Variants in DOCK3 observed in about 807,000 individuals in gnomAD.
DOCK3 encodes dedicator of cytokinesis protein 3.
A neutral mutation model predicts 265.6 loss-of-function variants in DOCK3; 60 were observed. That is an observed-to-expected ratio of 0.23 (90% CI 0.18 to 0.28). The LOEUF is 0.28. Among genes scored for constraint, DOCK3 ranks in the 10% least tolerant of loss-of-function variants. DOCK3 has a pLI of 1.00. For missense variants in DOCK3, 1,981 were observed against 2,594.3 expected (o/e 0.76, Z 5.14); for synonymous variants, 881 against 938.0 (o/e 0.94, Z 1.11).
intron 2 of DOCK3, among the ~76,000 whole-genome samples, chr3:50,783,615 C>T (rs564318227): frequency 1.3e-5 from 2 of 152,196 alleles, no homozygotes; most frequent in East Asian, 3.9e-4. Flanking sequence ...TCGTTAGATG[C>T]ATAGTTTGTG....
intron 27 of DOCK3, among the ~76,000 whole-genome samples, chr3:51,282,400 T>C (rs1245082285): frequency 6.6e-6 from 1 of 152,086 alleles, no homozygotes; most frequent in Non-Finnish European, 1.5e-5. Context: ...CCCAACACTT[T>C]GGGAGACCAA....
chr3:51,261,620 TG>T (rs1449708736), intron 23 of DOCK3, among the ~76,000 whole-genome samples: 2 of 152,152 alleles, frequency 1.3e-5, no homozygotes, highest in Admixed American at 1.3e-4. Flanking sequence ...TCTAGTTCAG[TG>T]AATCCCACCC....
At chr3:51,209,479 G>T (rs1171796075) in intron 13 of DOCK3, among the ~76,000 whole-genome samples, 2 of 152,032 alleles carry the variant, frequency 1.3e-5, no homozygotes, top group African/African-American at 4.8e-5. Flanking sequence ...GTTCATTAAT[G>T]CTTGATTAAA....
intron 51 of DOCK3, among the ~76,000 whole-genome samples, chr3:51,376,546 A>G (rs557391869): frequency 4.7e-4 from 72 of 152,284 alleles, no homozygotes; most frequent in African/African-American, 1.6e-3. Flanking sequence ...TTTAACAGAG[A>G]GTAATACTAA....
chr3:51,179,926 C>T (rs12492615), intron 12 of DOCK3, among the ~76,000 whole-genome samples: 10,793 of 151,246 alleles, frequency 0.071, 963 homozygotes, highest in East Asian at 0.32. Context: ...AAACAAGGGC[C>T]GGCGGACGCG....
intron 22 of DOCK3, among the ~76,000 whole-genome samples, chr3:51,250,917 C>G (rs953243298): frequency 6.6e-6 from 1 of 152,144 alleles, no homozygotes; most frequent in South Asian, 2.1e-4. Flanking sequence ...ATGTGCACAA[C>G]GTGCAGGTTT....
intron 3 of DOCK3, among the ~76,000 whole-genome samples, chr3:50,851,274 G>T (rs1016240763): frequency 6.6e-6 from 1 of 152,164 alleles, no homozygotes; most frequent in Non-Finnish European, 1.5e-5. Context: ...ATGCACAAGA[G>T]GGGTGGGGCA....
intron 19 of DOCK3, among the ~76,000 whole-genome samples, chr3:51,233,446 A>G (rs2078225029): frequency 6.6e-6 from 1 of 151,882 alleles, no homozygotes. Context: ...GCTCACTGCA[A>G]CCTCTGCCTC....
Position 51,246,626 on chromosome 3 carries a change from A to C in DOCK3, c.2103-100A>C, listed in dbSNP as rs2078854992. 5 of 1,075,184 alleles carry C rather than the reference A, an allele frequency of 4.7e-6. 1 individual carries two copies. The South Asian group carries it at 6.9e-5, about 15-fold the overall frequency. 66.6% of individuals were successfully genotyped at this position (1,075,184 alleles called of 1,614,324 possible). On this transcript the variant is annotated intron_variant, in intron 21 of 52. Coordinates refer to ENST00000266037, the MANE Select transcript of DOCK3 (RefSeq NM_004947.5). Reference sequence around the variant, plus strand: ...TATCACTCCTTTCTAGCTCATCAGCAGAATATTATTTCCTATTTGCCTAAT... The same window carrying C: ...TATCACTCCTTTCTAGCTCATCAGCCGAATATTATTTCCTATTTGCCTAAT...
At chr3:51,199,023 C>A (rs1481039398) in intron 12 of DOCK3, among the ~76,000 whole-genome samples, 3 of 152,010 alleles carry the variant, frequency 2.0e-5, no homozygotes, top group African/African-American at 7.3e-5. Context: ...GAGGGAGACT[C>A]CGACTCAATA....
At chr3:50,907,796 G>A (rs889388476) in intron 4 of DOCK3, among the ~76,000 whole-genome samples, 4 of 151,996 alleles carry the variant, frequency 2.6e-5, no homozygotes, top group African/African-American at 9.7e-5. Flanking sequence ...CTGTCATTAT[G>A]ATGTTAGCTG....
chr3:51,362,772 C>G, intron 49 of DOCK3, 98 bp downstream of exon 49: 1 of 1,476,450 alleles, frequency 6.8e-7, no homozygotes, highest in Admixed American at 2.1e-5. Flanking sequence ...TTGAGCAGCC[C>G]TGTGACTTAG....
chr3:50,907,272 C>G (rs1319622541), intron 4 of DOCK3, among the ~76,000 whole-genome samples: 1 of 152,078 alleles, frequency 6.6e-6, no homozygotes, highest in Non-Finnish European at 1.5e-5. Flanking sequence ...ATTAAGTCTG[C>G]TTGGTGCAGA....
intron 9 of DOCK3, among the ~76,000 whole-genome samples, chr3:51,143,138 C>T (rs1187497552): frequency 2.6e-5 from 4 of 152,044 alleles, no homozygotes; most frequent in East Asian, 3.9e-4. Flanking sequence ...CTGCCTGCCT[C>T]GGCCTCTCAA....
chr3:50,889,338 G>A (rs187272411), intron 3 of DOCK3, among the ~76,000 whole-genome samples: 4 of 151,728 alleles, frequency 2.6e-5, no homozygotes, highest in African/African-American at 7.3e-5. Context: ...CCCACTTTAG[G>A]CTCCTAAAGC....
intron 40 of DOCK3, among the ~76,000 whole-genome samples, chr3:51,351,092 A>T (rs2085943982): frequency 6.6e-6 from 1 of 152,214 alleles, no homozygotes; most frequent in African/African-American, 2.4e-5. Flanking sequence ...TTTCTTATTT[A>T]TTCAGCACAA....
chr3:50,969,172 T>A (rs34438446), intron 5 of DOCK3, among the ~76,000 whole-genome samples: 1 of 152,100 alleles, frequency 6.6e-6, no homozygotes, highest in South Asian at 2.1e-4. Flanking sequence ...TTGGGGCATG[T>A]ATATTTAGGA....
chr3:51,303,099 T>G (rs956760123), intron 27 of DOCK3, among the ~76,000 whole-genome samples: 4 of 150,430 alleles, frequency 2.7e-5, no homozygotes, highest in Admixed American at 2.0e-4. Flanking sequence ...CTCATAGCTT[T>G]TGTTTGTTCC....
chr3:50,716,484 C>T (rs1457421522), intron 1 of DOCK3, among the ~76,000 whole-genome samples: 4 of 151,646 alleles, frequency 2.6e-5, no homozygotes, highest in Non-Finnish European at 4.4e-5. Context: ...GCGGAGATCA[C>T]GCCACTGCAC....
Sources: allele counts gnomAD v4.1 joint callset (sites outside exome capture counted in the v4.1 genomes callset), GRCh38; gene constraint gnomAD v4.1.1; transcripts MANE v1.5; gene names NCBI Gene and HGNC (gene_info 2026-07-23, HGNC 2026-07-21).